The following HDDC3 variants were observed in gnomAD, a reference collection of about 807,000 sequenced individuals.
The protein encoded by HDDC3 is HD domain containing 3, also known as guanosine-3',5'-bis(diphosphate) 3'-pyrophosphohydrolase MESH1.
In HDDC3, 18 loss-of-function variants were observed where a neutral mutation model predicts 19.1. That is an observed-to-expected ratio of 0.94 (90% CI 0.65 to 1.40). The LOEUF (loss-of-function observed/expected upper bound fraction) is 1.40. HDDC3 is among the 40% of genes most tolerant of loss of function. The probability of loss-of-function intolerance (pLI) is 0.00; values close to 1 mark genes in which losing one functional copy is unlikely to be tolerated. For synonymous variants in HDDC3, 107 were observed against 99.4 expected (o/e 1.08, Z -0.46); for missense variants, 250 against 228.9 (o/e 1.09, Z -0.59).
chr15:90,932,002 A>C, intron 2 of HDDC3, 53 bp downstream of exon 2: 2 of 1,613,968 alleles, frequency 1.2e-6, no homozygotes, highest in Non-Finnish European at 1.7e-6. Flanking sequence ...CCATTGCTGA[A>C]TGGGGCCCCT....
rs567753381 is a variant in HDDC3 at position 90,931,532 on chromosome 15, C to A, written c.410-127G>T. ...GGAATGAGCTGTCCTGAAAACTTCCCCTTGGCCCAGCTATTGTATTTTTAC... is the reference window on the plus strand; with the variant it reads ...GGAATGAGCTGTCCTGAAAACTTCCACTTGGCCCAGCTATTGTATTTTTAC... On this transcript the variant is annotated intron_variant, in intron 3 of 3. Transcript: ENST00000394272. The A allele has an allele frequency of 1.9e-4, 306 of 1,614,148 alleles. 1 individual carries two copies. The South Asian group carries it at 3.2e-3, about 17-fold the overall frequency.
At chr15:90,932,386 C>T in intron 1 of HDDC3, 43 bp downstream of exon 1, 1 of 1,217,308 alleles carries the variant, frequency 8.2e-7, no homozygotes, top group Non-Finnish European at 1.1e-6. Flanking sequence ...CAGTCCCCAC[C>T]ACCCAGGTGC....
At chr15:90,932,215 C>G in intron 1 of HDDC3, 105 bp from the exon 2 acceptor site, 1 of 1,266,906 alleles carries the variant, frequency 7.9e-7, no homozygotes, top group Non-Finnish European at 1.1e-6. Flanking sequence ...CTCTGACTAG[C>G]TGGGTGACCT....
Position 90,931,964 on chromosome 15 carries a change from C to G in HDDC3, c.169-20G>C, listed in dbSNP as rs1332333479. 1.9e-6 allele frequency: 3 copies of G among 1,613,728 alleles called. No homozygotes were observed. Among genetic ancestry groups the G allele is most frequent in the African/African-American group, 2.7e-5 (2 of 74,938 alleles). On this transcript the variant is annotated intron_variant, in intron 2 of 3. Transcript: ENST00000394272. The stretch of plus-strand genomic sequence containing the variant: ...GGCCGCCTGGGGACAAGTTCCCACT[C>G]AGCCCTGAGATGTCAGCCAAGGGTT...
In HDDC3 at chr15:90,930,238, T is replaced by C. The variant is rs2035744013; in HGVS notation, c.*1037A>G. ...GGCGAGGGGATTGCGAGTCACCGAG[T>C]TTCCCGCGCGGCTTGAGGTACTGGG... On this transcript the variant is annotated 3_prime_UTR_variant, in exon 4 of 4. Transcript: ENST00000394272. 1 of 152,078 alleles carries C rather than the reference T, an allele frequency of 6.6e-6. No homozygotes were observed. The highest frequency in any genetic ancestry group is 1.5e-5 in the Non-Finnish European group (1 of 68,010). 9.4% of individuals were successfully genotyped at this position (152,078 alleles called of 1,614,324 possible). A position where few individuals can be genotyped will look rare whatever the true frequency, so the allele number is the denominator to read the frequency against.
In HDDC3 at chr15:90,931,928, T is replaced by C. The variant is rs150464100; in HGVS notation, c.185A>G (p.Asp62Gly). Reference sequence around the variant, plus strand: ...GGTGGTGTCTGTGTCCTCCACCGTGTCATGGAGCAGGGCCGCCTGGGGACA... The same window carrying C: ...GGTGGTGTCTGTGTCCTCCACCGTGCCATGGAGCAGGGCCGCCTGGGGACA... The part of the protein sequence containing the change: ...IVVLQAALLH[D>G]TVEDTDTTLD... Residue 62 changes from aspartate (D) to glycine (G), a missense_variant, in exon 3 of 4, where the codon GAC (aspartate) becomes GGC (glycine). Physicochemically the swap from Asp to Gly is moderately conservative, Grantham distance 94 (BLOSUM62 -1). Transcript: ENST00000394272. 3 of 1,613,820 alleles carry C rather than the reference T, an allele frequency of 1.9e-6. No individual in the cohort carries two copies. In the African/African-American group the frequency reaches 4.0e-5, roughly 22 times the overall value.
In HDDC3 at chr15:90,931,131, C is replaced by A. The variant is rs1029200371; in HGVS notation, c.*144G>T. ...GCTTAGTTAGCAGGAGACCTTCAGA[C>A]TGAGAAAAAATGCAAGTCTTTTTTT... On this transcript the variant is annotated 3_prime_UTR_variant, in exon 4 of 4. Coordinates refer to ENST00000394272, the MANE Select transcript of HDDC3 (RefSeq NM_001286451.2). The A allele has an allele frequency of 2.8e-5, 28 of 1,003,596 alleles. No individual in the cohort carries two copies. In the African/African-American group the frequency reaches 3.9e-4, roughly 14 times the overall value. 62.2% of individuals were successfully genotyped at this position (1,003,596 alleles called of 1,614,324 possible). A position where few individuals can be genotyped will look rare whatever the true frequency, so the allele number is the denominator to read the frequency against.
rs1437415694 is a variant in HDDC3, at chr15:90,930,122, G to A, written c.*1153C>T. ...CACCGCCTCCCCTACGCCGACCGCC[G>A]GGCTCCCGGGGTCGGACAGCCCCGG... On this transcript the variant is annotated 3_prime_UTR_variant, in exon 4 of 4. Transcript: ENST00000394272. 6.6e-6 allele frequency: 1 copy of A among 152,096 alleles called. No individual in the cohort carries two copies. The highest frequency in any genetic ancestry group is 1.5e-5 in the Non-Finnish European group (1 of 67,998). The allele number at this position is 152,096 out of a possible 1,614,324, so 9.4% of individuals were successfully genotyped here. A position where few individuals can be genotyped will look rare whatever the true frequency, so the allele number is the denominator to read the frequency against.
chr15:90,932,212 T>A, intron 1 of HDDC3, 102 bp from the exon 2 acceptor site: 1 of 1,285,638 alleles, frequency 7.8e-7, no homozygotes, highest in Non-Finnish European at 1.1e-6. Context: ...GGACTCTGAC[T>A]AGCTGGGTGA....
chr15:90,931,398 T>C lies in HDDC3; in HGVS notation c.417A>G (p.Ser139=), dbSNP rs753043739. 5 of 1,579,084 alleles carry C rather than the reference T, an allele frequency of 3.2e-6. No individual in the cohort carries two copies. The highest frequency in any genetic ancestry group is 3.7e-5 in the Admixed American group (2 of 53,990). Residue 139 remains serine (S), a synonymous_variant, in exon 4 of 4, where the codon TCA becomes TCG. Coordinates refer to ENST00000394272, the MANE Select transcript of HDDC3 (RefSeq NM_001286451.2). ...CGAAGTATTCCTGGACTCGATGTTCTGACCATCCTGCATAAGAGTCGACAG... is the reference window on the plus strand; with the variant it reads ...CGAAGTATTCCTGGACTCGATGTTCCGACCATCCTGCATAAGAGTCGACAG... ...DLNRCTPEGW[S]EHRVQEYFEW...
rs2151347880 is a variant in HDDC3 at position 90,931,419 on chromosome 15, G to A, written c.410-14C>T. ...GTTCTGACCATCCTGCATAAGAGTC[G>A]ACAGAAACTTGCTAGCGTGATGTCA... On this transcript the variant is annotated splice_polypyrimidine_tract_variant and intron_variant, in intron 3 of 3. Transcript: ENST00000394272. 6.2e-7 allele frequency: 1 copy of A among 1,600,130 alleles called. No individual in the cohort carries two copies. Among genetic ancestry groups the A allele is most frequent in the African/African-American group, 1.3e-5 (1 of 74,492 alleles).
In HDDC3 at chr15:90,932,107, A is replaced by C. The variant is rs1359770881; in HGVS notation, c.116T>G (p.Val39Gly). Residue 39 changes from valine to glycine, a missense_variant, in exon 2 of 4, where the codon GTG becomes GGG. Coordinates refer to ENST00000394272, the MANE Select transcript of HDDC3 (RefSeq NM_001286451.2). ...GTPYINHPIG[V>G]ARILTHEAGI... is the part of the protein sequence containing the mutation. ...CGCCTCGTGGGTCAGGATCCGTGCC[A>C]CACCTGACGGGGAGGGGCAAAGCAG... 12 of 1,592,698 alleles carry C rather than the reference A, an allele frequency of 7.5e-6. No homozygotes were observed. The highest frequency in any genetic ancestry group is 3.3e-4 in the Middle Eastern group (2 of 5,984).
At position 90,931,687 on chromosome 15, in the gene HDDC3, C is replaced by T. The variant is rs2151348293; in HGVS notation, c.409+17G>A. The T allele has an allele frequency of 6.2e-7, 1 of 1,613,998 alleles. No individual in the cohort carries two copies. The highest frequency in any genetic ancestry group is 8.5e-7 in the Non-Finnish European group (1 of 1,179,924). The stretch of plus-strand genomic sequence containing the variant: ...CATCCCCCTCCCTTTTCCCTTACAG[C>T]CCATACGAAAGCGTACCCTCTGGGG... On this transcript the variant is annotated intron_variant, in intron 3 of 3. Transcript: ENST00000394272.
intron 1 of HDDC3, 38 bp from the exon 2 acceptor site, chr15:90,932,148 G>A (rs371686064): frequency 1.3e-6 from 2 of 1,562,518 alleles, no homozygotes; most frequent in Non-Finnish European, 1.7e-6. Context: ...CAGGTCGGAG[G>A]TAGTCCCAAG....
At position 90,931,289 on chromosome 15, in the gene HDDC3, C is replaced by A. The variant is rs2035780265; in HGVS notation, c.526G>T (p.Gly176Trp). ...TCAAGCACTGATCAGATTGTCAGCC[C>A]CCGCTGCTTGAACAGATGCTTTAGA... Reference protein sequence around the residue: ...EALKHLFKQRGLTI With the variant: ...EALKHLFKQRWLTI Residue 176 changes from glycine (G) to tryptophan (W), a missense_variant, in exon 4 of 4, where the codon GGG becomes TGG. By Grantham distance (184) the Gly-to-Trp change is radical (BLOSUM62 -2). Coordinates refer to ENST00000394272, the MANE Select transcript of HDDC3 (RefSeq NM_001286451.2). The A allele has an allele frequency of 2.6e-6, 4 of 1,550,826 alleles. No homozygotes were observed. The highest frequency in any genetic ancestry group is 3.5e-6 in the Non-Finnish European group (4 of 1,147,022).
intron 2 of HDDC3, 34 bp downstream of exon 2, chr15:90,932,021 T>A (rs1423533350): frequency 1.2e-6 from 2 of 1,613,774 alleles, no homozygotes; most frequent in African/African-American, 2.7e-5. Context: ...CTAATCCCCA[T>A]CCCAGGCTCC....
In HDDC3 at chr15:90,930,727, G is replaced by A. The variant is rs71407350; in HGVS notation, c.*548C>T. On this transcript the variant is annotated 3_prime_UTR_variant, in exon 4 of 4. Transcript: ENST00000394272. ...CCATTTCTTGAGCACCTATGTGTCAGGCTCCATCAGGCACGTCACAGTCTA... is the reference window on the plus strand; with the variant it reads ...CCATTTCTTGAGCACCTATGTGTCAAGCTCCATCAGGCACGTCACAGTCTA... The A allele has an allele frequency of 0.057, 9,022 of 157,442 alleles. 389 individuals are homozygous for A. Among genetic ancestry groups the A allele is most frequent in the South Asian group, 0.16 (895 of 5,772 alleles). The allele number at this position is 157,442 out of a possible 1,614,324, so 9.8% of individuals were successfully genotyped here.
chr15:90,930,165 C>G lies in HDDC3; in HGVS notation c.*1110G>C, dbSNP rs968485538. The stretch of plus-strand genomic sequence containing the variant: ...AGCCCCGGGCCACTTCCGGGCCTTC[C>G]CGGAAGTCCCTGTCACTTAACAACC... On this transcript the variant is annotated 3_prime_UTR_variant, in exon 4 of 4. Transcript: ENST00000394272. 1.3e-5 allele frequency: 2 copies of G among 152,150 alleles called. No homozygotes were observed. Among genetic ancestry groups the G allele is most frequent in the African/African-American group, 2.4e-5 (1 of 41,454 alleles). The allele number at this position is 152,150 out of a possible 1,614,324, so 9.4% of individuals were successfully genotyped here.
rs750404897 is a variant in HDDC3 at position 90,931,808 on chromosome 15, CTCT to C, written c.302_304del (p.Lys101del). ...GTGGGGCGCTTGCTCCACCTGCAGC[CTCT>C]TTCTCTCCAGCTTGGGCAGAGTCTT... is the stretch of plus-strand genomic sequence containing the variant. On this transcript the variant is annotated inframe_deletion, in exon 3 of 4. Transcript: ENST00000394272. The C allele has an allele frequency of 3.1e-6, 5 of 1,614,180 alleles. No homozygotes were observed. The East Asian group carries it at 1.1e-4, about 36-fold the overall frequency.
Sources: gnomAD v4.1 joint callset for allele counts on GRCh38, gnomAD v4.1.1 for gene constraint, MANE v1.5 for transcripts, NCBI Gene and HGNC (gene_info 2026-07-23, HGNC 2026-07-21) for gene names.